Variants in HYDIN observed in about 807,000 individuals in gnomAD.
HYDIN encodes axonemal central pair apparatus protein HYDIN.
Under a neutral mutation model 403.9 loss-of-function variants are expected in HYDIN, and 132 were observed. The observed-to-expected ratio is 0.33, with a 90% CI of 0.28 to 0.38. The LOEUF is 0.38. Ranked by LOEUF, HYDIN falls within the 10% of genes least tolerant of loss-of-function variation. The pLI is 1.00. For missense variants in HYDIN, 2,827 were observed against 5,009.5 expected (o/e 0.56, Z 13.15); for synonymous variants, 1,202 against 1,891.7 (o/e 0.64, Z 9.46).
At chr16:71,041,395 G>T (rs139328738) in intron 18 of HYDIN, among the ~76,000 whole-genome samples, 99 of 152,150 alleles carry the variant, frequency 6.5e-4, no homozygotes, top group Non-Finnish European at 7.4e-4. Flanking sequence ...TTTAGTCAAA[G>T]AAAACAATTA....
chr16:71,025,905 T>G (rs2080675492), intron 20 of HYDIN, among the ~76,000 whole-genome samples: 1 of 152,058 alleles, frequency 6.6e-6, no homozygotes, highest in Non-Finnish European at 1.5e-5. Context: ...TGTCTTTTTC[T>G]TCCTTTTTTT....
chr16:71,124,377 C>T (rs951585820), intron 9 of HYDIN, among the ~76,000 whole-genome samples: 3 of 152,378 alleles, frequency 2.0e-5, no homozygotes, highest in Non-Finnish European at 2.9e-5. Context: ...ATACTGTTCA[C>T]AAGATTTTAT....
intron 13 of HYDIN, among the ~76,000 whole-genome samples, chr16:71,075,412 G>T (rs2144324372): frequency 6.8e-6 from 1 of 146,086 alleles, no homozygotes; most frequent in South Asian, 2.3e-4. Context: ...AATAAAGGAG[G>T]CCCAAATGGA....
intron 53 of HYDIN, among the ~76,000 whole-genome samples, chr16:70,899,142 C>A (rs2076289596): frequency 6.6e-6 from 1 of 152,046 alleles, no homozygotes; most frequent in Non-Finnish European, 1.5e-5. Flanking sequence ...TTCATCCAAT[C>A]CCATGCTAGA....
At position 70,920,891 on chromosome 16, in the gene HYDIN, G is replaced by T; in HGVS notation, c.7485C>A (p.Asp2495Glu). 6.2e-7 allele frequency: 1 copy of T among 1,612,108 alleles called. No homozygotes were observed. Among genetic ancestry groups the T allele is most frequent in the Middle Eastern group, 1.7e-4 (1 of 6,056 alleles). Residue 2495 changes from aspartate to glutamate, a missense_variant, in exon 46 of 86, where the codon GAC becomes GAA. Asp to Glu is a conservative substitution (Grantham distance 45, BLOSUM62 2). Transcript: ENST00000393567. ...AGMEEAPHEP[D>E]DQRQVPLGGR... Reference sequence around the variant, plus strand: ...CACCCAAGGGGACCTGGCGCTGGTCGTCGGGCTCATGGGGCGCTTCCTCCA... The same window carrying T: ...CACCCAAGGGGACCTGGCGCTGGTCTTCGGGCTCATGGGGCGCTTCCTCCA...
chr16:71,051,654 A>AAAAAC (rs2081646751), intron 18 of HYDIN, among the ~76,000 whole-genome samples: 1 of 151,174 alleles, frequency 6.6e-6, no homozygotes, highest in Non-Finnish European at 1.5e-5. Context: ...TCAAAAAAAA[A>AAAAAC]AAAAACAAAA....
chr16:70,978,891 C>T (rs767144504), intron 30 of HYDIN, 23 bp downstream of exon 30: 14 of 1,604,204 alleles, frequency 8.7e-6, no homozygotes, highest in East Asian at 4.5e-5. Flanking sequence ...ACAGGCGTCC[C>T]GTGCAGGCTG....
At position 70,923,286 on chromosome 16, in the gene HYDIN, G is replaced by A. The variant is rs1597331472; in HGVS notation, c.7159-2069C>T. 2.8e-5 allele frequency among the ~76,000 whole-genome samples: 3 copies of A among 107,814 alleles called. No individual in the cohort carries two copies. In the South Asian group the frequency reaches 1.2e-3, roughly 44 times the overall value. The allele number at this position is 107,814 out of a possible 152,430, so 70.7% of individuals were successfully genotyped here. A position where few individuals can be genotyped will look rare whatever the true frequency, so the allele number is the denominator to read the frequency against. On this transcript the variant is annotated intron_variant, in intron 45 of 85. Coordinates refer to ENST00000393567, the MANE Select transcript of HYDIN (RefSeq NM_001270974.2). ...AGTTCTAGACCAGCCTGGCCAACATGACGAAAGCCCATTTCTACTAAAAAC... is the reference window on the plus strand; with the variant it reads ...AGTTCTAGACCAGCCTGGCCAACATAACGAAAGCCCATTTCTACTAAAAAC...
chr16:70,923,647 C>CAAAAAA (rs57860871), intron 45 of HYDIN, among the ~76,000 whole-genome samples: 1 of 69,310 alleles, frequency 1.4e-5, no homozygotes, highest in Admixed American at 1.7e-4. Flanking sequence ...CTAAAAAATA[C>CAAAAAA]AAAAAAAAAA....
intron 83 of HYDIN, among the ~76,000 whole-genome samples, chr16:70,822,239 C>G (rs2036315860): frequency 6.6e-6 from 1 of 151,966 alleles, no homozygotes; most frequent in African/African-American, 2.4e-5. Context: ...CTCATGTATG[C>G]CTTTGAGGAG....
chr16:70,960,299 T>C (rs6499365), intron 38 of HYDIN, among the ~76,000 whole-genome samples: 70,132 of 147,486 alleles, frequency 0.48, 19,058 homozygotes, highest in African/African-American at 0.74. Flanking sequence ...GTAAATCAAG[T>C]TGTATTGGAA....
chr16:70,896,199 G>A lies in HYDIN; in HGVS notation c.9049-119C>T, dbSNP rs1245990243. 2.4e-6 allele frequency: 3 copies of A among 1,253,974 alleles called. No homozygotes were observed. The African/African-American group carries it at 4.6e-5, about 19-fold the overall frequency. 77.7% of individuals were successfully genotyped at this position (1,253,974 alleles called of 1,614,324 possible). Reference sequence around the variant, plus strand: ...ACGTTTTGAAGTGTATTCCCCTGTAGGTATTTTATCTTCGCCAAGCATTTG... The same window carrying A: ...ACGTTTTGAAGTGTATTCCCCTGTAAGTATTTTATCTTCGCCAAGCATTTG... On this transcript the variant is annotated intron_variant, in intron 53 of 85. Coordinates refer to ENST00000393567, the MANE Select transcript of HYDIN (RefSeq NM_001270974.2).
intron 35 of HYDIN, among the ~76,000 whole-genome samples, chr16:70,971,882 C>A (rs1258281072): frequency 6.6e-6 from 1 of 151,758 alleles, no homozygotes; most frequent in Admixed American, 6.6e-5. Context: ...TCACTGATTT[C>A]TTGGTGCTGC....
chr16:71,226,895 C>T (rs1371483905), intron 1 of HYDIN, among the ~76,000 whole-genome samples: 5 of 152,086 alleles, frequency 3.3e-5, no homozygotes, highest in African/African-American at 4.8e-5. Flanking sequence ...CAATTTTAGT[C>T]AGTTAGTGAG....
At chr16:71,000,598 C>G (rs184999743) in intron 23 of HYDIN, among the ~76,000 whole-genome samples, 4 of 152,114 alleles carry the variant, frequency 2.6e-5, no homozygotes, top group Non-Finnish European at 4.4e-5. Flanking sequence ...AGGCCTACCC[C>G]GCTCCATAAG....
intron 23 of HYDIN, among the ~76,000 whole-genome samples, chr16:71,008,519 A>AT (rs1831064973): frequency 1.3e-5 from 2 of 152,170 alleles, no homozygotes; most frequent in Non-Finnish European, 2.9e-5. Context: ...CATGTTGAAG[A>AT]TTTGGCCATA....
At chr16:71,112,744 T>C (rs1240504801) in intron 10 of HYDIN, among the ~76,000 whole-genome samples, 1 of 151,916 alleles carries the variant, frequency 6.6e-6, no homozygotes, top group South Asian at 2.1e-4. Context: ...TTATCAATAA[T>C]GATTATGTAA....
intron 12 of HYDIN, among the ~76,000 whole-genome samples, chr16:71,083,541 AC>A (rs1378743043): frequency 2.9e-5 from 4 of 135,614 alleles, no homozygotes; most frequent in Non-Finnish European, 6.3e-5. Context: ...GCCATGTCTT[AC>A]ATTCCTAATT....
chr16:70,857,851 G>A lies in HYDIN; in HGVS notation c.12149C>T (p.Pro4050Leu). The A allele has an allele frequency of 1.2e-6, 2 of 1,613,232 alleles. No individual in the cohort carries two copies. Among genetic ancestry groups the A allele is most frequent in the Non-Finnish European group, 1.7e-6 (2 of 1,179,750 alleles). Reference sequence around the variant, plus strand: ...TGACTCAGTGATGCCCAGATGGAAAGGTGTGAACTGGAACACGATCTAACA... The same window carrying A: ...TGACTCAGTGATGCCCAGATGGAAAAGTGTGAACTGGAACACGATCTAACA... The part of the protein sequence containing the change: ...KKAEIVFQFT[P>L]FHLGITESSW... Residue 4050 changes from proline to leucine, a missense_variant, in exon 72 of 86, where the codon CCT becomes CTT. By Grantham distance (98) the Pro-to-Leu change is moderately conservative. Coordinates refer to ENST00000393567, the MANE Select transcript of HYDIN (RefSeq NM_001270974.2).
Sources: allele counts gnomAD v4.1 joint callset (sites outside exome capture counted in the v4.1 genomes callset), GRCh38; gene constraint gnomAD v4.1.1; transcripts MANE v1.5; gene names NCBI Gene and HGNC (gene_info 2026-07-23, HGNC 2026-07-21).